Variants in CHD8 observed in about 807,000 individuals in gnomAD.
CHD8 encodes the protein chromodomain helicase DNA binding protein 8, also known as ATP-dependent chromatin remodeler CHD8.
Under a neutral mutation model 279.2 loss-of-function variants are expected in CHD8, and 31 were observed. The ratio of observed to expected loss-of-function variants is 0.11; its 90% CI spans 0.08 to 0.15. The LOEUF is 0.15. Among genes scored for constraint, CHD8 ranks in the 10% least tolerant of loss-of-function variants. CHD8 has a pLI of 1.00. For synonymous variants in CHD8, 1,081 were observed against 1,139.6 expected (o/e 0.95, Z 1.04); for missense variants, 2,146 against 3,230.5 (o/e 0.66, Z 8.14).
In CHD8 at chr14:21,392,702, C is replaced by T; in HGVS notation, c.6576G>A (p.Gly2192=). The change falls in exon 34 of 38, where the codon GGG becomes GGA. Residue 2192 remains glycine, a synonymous_variant. Transcript: ENST00000646647. ...SQEMVTGGIL[G]PGNHLLDSPS... ...GACTGTCTAGCAAGTGGTTGCCTGG[C>T]CCCAAAATTCCTCCTGTTACCATTT... 1 of 1,613,942 alleles carries T rather than the reference C, an allele frequency of 6.2e-7. No homozygotes were observed. The highest frequency in any genetic ancestry group is 8.5e-7 in the Non-Finnish European group (1 of 1,179,888).
chr14:21,386,551 CTT>C (rs1887246976), intron 37 of CHD8, among the ~76,000 whole-genome samples: 1 of 152,170 alleles, frequency 6.6e-6, no homozygotes, highest in Non-Finnish European at 1.5e-5. Context: ...AAAAAAATCA[CTT>C]GTGACCGGGC....
At chr14:21,417,864 A>ATATATATATATATAT (rs1566435557) in intron 5 of CHD8, among the ~76,000 whole-genome samples, 1 of 135,908 alleles carries the variant, frequency 7.4e-6, no homozygotes, top group Non-Finnish European at 1.6e-5. Context: ...AAAAAAAAAA[A>ATATATATATATATAT]AATATATATA....
chr14:21,419,910 G>A (rs907627404), intron 5 of CHD8: 11 of 284,196 alleles, frequency 3.9e-5, no homozygotes, highest in South Asian at 3.1e-4. Context: ...CAATGGCCCA[G>A]AAGGTAAGTA....
In CHD8 at chr14:21,385,282, G is replaced by C. The variant is rs1300226421; in HGVS notation, c.*331C>G. The C allele has an allele frequency of 6.7e-6, 2 of 300,036 alleles. No individual in the cohort carries two copies. The allele number at this position is 300,036 out of a possible 1,614,324, so 18.6% of individuals were successfully genotyped here. The stretch of plus-strand genomic sequence containing the variant: ...CCAGCTGTATCCACAGTTCGGCCAG[G>C]AACAGGCTCTGCCAGAGGCTAGGGC... On this transcript the variant is annotated 3_prime_UTR_variant, in exon 38 of 38. Transcript: ENST00000646647.
At chr14:21,415,329 C>T (rs1412590821) in intron 7 of CHD8, 7 of 336,342 alleles carry the variant, frequency 2.1e-5, no homozygotes, top group African/African-American at 8.6e-5. Context: ...CATAGCATTA[C>T]GGGTTAATAT....
rs760826863 is a variant in CHD8, at chr14:21,427,941, C to T, written c.1529G>A (p.Arg510Lys). The change falls in exon 4 of 38, where the codon AGG becomes AAG. Residue 510 changes from arginine (R) to lysine (K), a missense_variant. Transcript: ENST00000646647. ...CTTCTTTGGCTTCTCCTCTTTCAGCCTCTCCCCAGCACTCTTCTTCCTGCG... is the reference window on the plus strand; with the variant it reads ...CTTCTTTGGCTTCTCCTCTTTCAGCTTCTCCCCAGCACTCTTCTTCCTGCG... The part of the protein sequence containing the change: ...KKRRKKSAGE[R>K]LKEEKPKKSK... 3 of 1,614,060 alleles carry T rather than the reference C, an allele frequency of 1.9e-6. No homozygotes were observed. Among genetic ancestry groups the T allele is most frequent in the Admixed American group, 1.7e-5 (1 of 60,024 alleles).
At chr14:21,441,251 T>G (rs1452819584) in intron 1 of CHD8, among the ~76,000 whole-genome samples, 1 of 152,178 alleles carries the variant, frequency 6.6e-6, no homozygotes, top group Non-Finnish European at 1.5e-5. Flanking sequence ...TCTTTGGTCT[T>G]CCCTCCTTTG....
chr14:21,394,639 AGTGAGAG>A, intron 30 of CHD8, 154 bp from the exon 31 acceptor site: 2 of 572,398 alleles, frequency 3.5e-6, no homozygotes, highest in Non-Finnish European at 6.0e-6. Context: ...CAGAAGAGGT[AGTGAGAG>A]GTACTCTGTA....
chr14:21,399,495 A>G, intron 26 of CHD8, 107 bp downstream of exon 26: 1 of 762,918 alleles, frequency 1.3e-6, no homozygotes, highest in East Asian at 2.6e-5. Context: ...AATTTATTGA[A>G]GATCAATCAG....
At chr14:21,389,268 C>A (rs1428593376) in intron 37 of CHD8, among the ~76,000 whole-genome samples, 1 of 150,276 alleles carries the variant, frequency 6.7e-6, no homozygotes. Flanking sequence ...CCATTGCACT[C>A]CAGCCTGGGC....
At chr14:21,443,855 CAAAAAAAAA>C (rs369671712) in intron 1 of CHD8, among the ~76,000 whole-genome samples, 1 of 47,224 alleles carries the variant, frequency 2.1e-5, no homozygotes, top group African/African-American at 8.0e-5. Context: ...GACTCCGTCT[CAAAAAAAAA>C]AAAAAAAAAA....
In CHD8 at chr14:21,386,796, G is replaced by A. The variant is rs558769283; in HGVS notation, c.7183-620C>T. Among the ~76,000 whole-genome samples the A allele has an allele frequency of 1.5e-3, 218 of 150,292 alleles. 1 individual carries two copies. The highest frequency in any genetic ancestry group is 4.9e-3 in the African/African-American group (201 of 40,756). On this transcript the variant is annotated intron_variant, in intron 37 of 37. Transcript: ENST00000646647. ...AGAGCTTGCAGTGAGCCGAGATCGC[G>A]CCACTGCACTCCAGCCTGAGCGACA...
At chr14:21,452,456 C>T (rs1890279844) in intron 1 of CHD8, among the ~76,000 whole-genome samples, 1 of 151,770 alleles carries the variant, frequency 6.6e-6, no homozygotes, top group African/African-American at 2.4e-5. Flanking sequence ...CAAGCCTGGC[C>T]AACATGGTGA....
At chr14:21,439,514 A>G (rs896223921) in intron 1 of CHD8, among the ~76,000 whole-genome samples, 1 of 152,212 alleles carries the variant, frequency 6.6e-6, no homozygotes, top group Non-Finnish European at 1.5e-5. Flanking sequence ...TAGAGAGTTG[A>G]ATGTTTGACT....
At chr14:21,437,335 G>A (rs907456652) in intron 1 of CHD8, 20 of 1,009,308 alleles carry the variant, frequency 2.0e-5, no homozygotes, top group Non-Finnish European at 5.0e-6. Context: ...CACCAAAGGC[G>A]AAAAGACGCA....
At chr14:21,392,169 A>G (rs534350751) in intron 34 of CHD8, 11 of 760,090 alleles carry the variant, frequency 1.4e-5, no homozygotes, top group Middle Eastern at 2.3e-4. Context: ...CATTTACGAG[A>G]AAGAGTTTAT....
intron 7 of CHD8, 64 bp downstream of exon 7, chr14:21,415,510 T>G: frequency 1.3e-6 from 1 of 781,600 alleles, no homozygotes. Flanking sequence ...ATTTCAAAAA[T>G]AAATAAATAA....
chr14:21,426,671 GAAAAATCCGGTACA>G (rs912396791), intron 4 of CHD8: 2 of 153,842 alleles, frequency 1.3e-5, no homozygotes, highest in Non-Finnish European at 2.9e-5. Context: ...TTTAAAAGCT[GAAAAATCCGGTACA>G]AATACAAAGC....
chr14:21,446,697 G>GC (rs994505728), intron 1 of CHD8, among the ~76,000 whole-genome samples: 1 of 152,168 alleles, frequency 6.6e-6, no homozygotes, highest in African/African-American at 2.4e-5. Context: ...ATAATACCTT[G>GC]CCCAATATCC....
Sources: allele counts gnomAD v4.1 joint callset (sites outside exome capture counted in the v4.1 genomes callset), GRCh38; gene constraint gnomAD v4.1.1; transcripts MANE v1.5; gene names NCBI Gene and HGNC (gene_info 2026-07-23, HGNC 2026-07-21).